The following CCT6A variants were observed in gnomAD, a reference collection of about 807,000 sequenced individuals.
CCT6A encodes T-complex protein 1 subunit zeta.
In CCT6A, 6 loss-of-function variants were observed where a neutral mutation model predicts 58.6. The observed-to-expected ratio is 0.10, with a 90% CI of 0.06 to 0.20. The LOEUF is 0.20. Ranked by LOEUF, CCT6A falls within the 10% of genes least tolerant of loss-of-function variation. CCT6A has a pLI of 1.00. For missense variants in CCT6A, 516 were observed against 648.8 expected, an observed-to-expected ratio of 0.80 and a Z score of 2.22; for synonymous variants, 245 against 227.8, an observed-to-expected ratio of 1.08 and a Z score of -0.68.
chr7:56,059,506 A>T (rs372119435), intron 8 of CCT6A, 38 bp from the exon 9 acceptor site: 14 of 970,728 alleles, frequency 1.4e-5, no homozygotes, highest in Non-Finnish European at 2.3e-5. Context: ...ATTCACTGGT[A>T]ACGTTGCTTA....
rs376570645 is a variant in CCT6A, at chr7:56,052,455, T to C, written c.171T>C (p.Thr57=). 1 of 1,614,084 alleles carries C rather than the reference T, an allele frequency of 6.2e-7. No homozygotes were observed. Among genetic ancestry groups the C allele is most frequent in the Non-Finnish European group, 8.5e-7 (1 of 1,179,926 alleles). ...CTGGCGCTGGAGACATCAAACTTAC[T>C]AAAGACGGCAATGTGCTGCTTCACG... is the stretch of plus-strand genomic sequence containing the variant. ...LVSGAGDIKL[T]KDGNVLLHEM... is the part of the protein sequence containing the mutation. Residue 57 remains threonine, a synonymous_variant, in exon 2 of 14, where the codon ACT becomes ACC. Coordinates refer to ENST00000275603, the MANE Select transcript of CCT6A (RefSeq NM_001762.4).
At chr7:56,052,392 T>C in intron 1 of CCT6A, 30 bp from the exon 2 acceptor site, 1 of 1,602,806 alleles carries the variant, frequency 6.2e-7, no homozygotes, top group Non-Finnish European at 8.5e-7. Flanking sequence ...GAAAAAGTCA[T>C]AGTCTGGTTC....
intron 5 of CCT6A, among the ~76,000 whole-genome samples, chr7:56,057,532 C>T (rs1365863986): frequency 6.6e-6 from 1 of 152,116 alleles, no homozygotes; most frequent in Non-Finnish European, 1.5e-5. Flanking sequence ...GTTTGACAGC[C>T]TACCAGTGAG....
In CCT6A at chr7:56,051,890, C is replaced by T; in HGVS notation, c.42C>T (p.Ala14=). 1 of 1,558,128 alleles carries T rather than the reference C, an allele frequency of 6.4e-7. No individual in the cohort carries two copies. Among genetic ancestry groups the T allele is most frequent in the Non-Finnish European group, 8.7e-7 (1 of 1,151,516 alleles). Residue 14 remains alanine, a synonymous_variant, in exon 1 of 14, where the codon GCC becomes GCT. Transcript: ENST00000275603. ...CCCTGAACCCCAAGGCCGAGGTGGCCCGAGCGCAGGCGGCGCTGGCGGTCA... is the reference window on the plus strand; with the variant it reads ...CCCTGAACCCCAAGGCCGAGGTGGCTCGAGCGCAGGCGGCGCTGGCGGTCA... The part of the protein sequence containing the change: ...VKTLNPKAEV[A]RAQAALAVNI...
chr7:56,060,633 G>A (rs773464887), intron 10 of CCT6A, 174 bp from the exon 11 acceptor site: 2 of 960,970 alleles, frequency 2.1e-6, no homozygotes, highest in Non-Finnish European at 3.3e-6. Flanking sequence ...GTTGAAAGCT[G>A]CCAGTGGCTA....
chr7:56,063,216 TG>T lies in CCT6A; in HGVS notation c.*133del. The T allele has an allele frequency of 1.5e-6, 1 of 681,622 alleles. No homozygotes were observed. 42.2% of individuals were successfully genotyped at this position (681,622 alleles called of 1,614,324 possible). ...CCCATATGAAAAAAGGAGAGAACAC[TG>T]GCATCTGTTGAAATTTGGAAGTTCT... On this transcript the variant is annotated 3_prime_UTR_variant, in exon 14 of 14. Transcript: ENST00000275603.
chr7:56,055,455 G>A (rs1389792951), intron 3 of CCT6A, 169 bp from the exon 4 acceptor site: 5 of 697,566 alleles, frequency 7.2e-6, no homozygotes, highest in African/African-American at 7.1e-5. Context: ...GCTCTGCATT[G>A]AAAGGAATAT....
intron 5 of CCT6A, among the ~76,000 whole-genome samples, chr7:56,057,356 T>G (rs917097336): frequency 1.5e-5 from 2 of 133,684 alleles, no homozygotes; most frequent in African/African-American, 5.3e-5. Context: ...TTGTTTTCCC[T>G]TTGGGGTGTG....
rs1794405330 is a variant in CCT6A, at chr7:56,060,307, C to T, written c.1104C>T (p.Asn368=). ...TTACCTTTATTGAGAAATGTAACAA[C>T]CCTCGTTCTGTCACATTATTGATCA... ...EKFTFIEKCN[N]PRSVTLLIKG... Residue 368 remains asparagine (N), a synonymous_variant, in exon 10 of 14, where the codon AAC becomes AAT. Transcript: ENST00000275603. 2.5e-6 allele frequency: 4 copies of T among 1,613,362 alleles called. No individual in the cohort carries two copies. Among genetic ancestry groups the T allele is most frequent in the Non-Finnish European group, 2.5e-6 (3 of 1,179,354 alleles).
At chr7:56,062,861 G>A (rs1794498262) in intron 13 of CCT6A, 106 bp downstream of exon 13, 28 of 1,175,628 alleles carry the variant, frequency 2.4e-5, no homozygotes, top group Non-Finnish European at 3.6e-5. Flanking sequence ...TGATCAGCTG[G>A]AAGTATGGAA....
intron 2 of CCT6A, among the ~76,000 whole-genome samples, chr7:56,052,897 G>T (rs1289078423): frequency 6.6e-6 from 1 of 151,702 alleles, no homozygotes; most frequent in African/African-American, 2.4e-5. Flanking sequence ...GGGTTCAAGC[G>T]ATTCTTCTGT....
intron 2 of CCT6A, among the ~76,000 whole-genome samples, chr7:56,053,032 G>T (rs1794208651): frequency 6.6e-6 from 1 of 152,096 alleles, no homozygotes; most frequent in African/African-American, 2.4e-5. Context: ...GACTTCAGGC[G>T]ATCCCCCCGC....
In CCT6A at chr7:56,057,618, T is replaced by C. The variant is rs370564675; in HGVS notation, c.615-375T>C. On this transcript the variant is annotated intron_variant, in intron 5 of 13. Transcript: ENST00000275603. ...GAAATAGGCCGGGCGCAGTGGCTCA[T>C]GCCTGTAATCCCAGCACTTTGGGAG... Among the ~76,000 whole-genome samples, 87 of 152,302 alleles carry C rather than the reference T, an allele frequency of 5.7e-4. 2 individuals are homozygous for C. In the East Asian group the frequency reaches 0.013, roughly 23 times the overall value.
In CCT6A at chr7:56,063,241, C is replaced by G. The variant is rs1794514012; in HGVS notation, c.*156C>G. 2 of 628,104 alleles carry G rather than the reference C, an allele frequency of 3.2e-6. No homozygotes were observed. The highest frequency in any genetic ancestry group is 5.6e-6 in the Non-Finnish European group (2 of 354,396). The allele number at this position is 628,104 out of a possible 1,614,324, so 38.9% of individuals were successfully genotyped here. A position where few individuals can be genotyped will look rare whatever the true frequency, so the allele number is the denominator to read the frequency against. ...TGGCATCTGTTGAAATTTGGAAGTTCTGAAATTATAGTATTTTTAAAAATT... is the reference window on the plus strand; with the variant it reads ...TGGCATCTGTTGAAATTTGGAAGTTGTGAAATTATAGTATTTTTAAAAATT... On this transcript the variant is annotated 3_prime_UTR_variant, in exon 14 of 14. Coordinates refer to ENST00000275603, the MANE Select transcript of CCT6A (RefSeq NM_001762.4).
At chr7:56,057,245 G>T (rs1371922952) in intron 5 of CCT6A, among the ~76,000 whole-genome samples, 1 of 152,180 alleles carries the variant, frequency 6.6e-6, no homozygotes, top group East Asian at 1.9e-4. Context: ...AACAACATCA[G>T]TCATTTGGCA....
At chr7:56,059,409 G>A in intron 8 of CCT6A, 135 bp from the exon 9 acceptor site, 1 of 615,794 alleles carries the variant, frequency 1.6e-6, no homozygotes. Context: ...GATGGCAAAT[G>A]GAAAGGCTTA....
chr7:56,052,085 C>G (rs1382897343), intron 1 of CCT6A, 100 bp downstream of exon 1: 3 of 1,043,610 alleles, frequency 2.9e-6, no homozygotes, highest in Non-Finnish European at 3.8e-6. Context: ...CTCGGGGCTG[C>G]GCAGCCGTCC....
intron 12 of CCT6A, among the ~76,000 whole-genome samples, chr7:56,062,453 T>C (rs1047503093): frequency 6.6e-6 from 1 of 152,218 alleles, no homozygotes; most frequent in Non-Finnish European, 1.5e-5. Flanking sequence ...TAAACAGAAA[T>C]GTATCCAGAA....
At chr7:56,060,164 G>A (rs1794402393) in intron 9 of CCT6A, 105 bp from the exon 10 acceptor site, 1 of 962,924 alleles carries the variant, frequency 1.0e-6, no homozygotes, top group East Asian at 2.4e-5. Flanking sequence ...ATGTGATCAA[G>A]TTTGTTCCTT....
Sources: allele counts gnomAD v4.1 joint callset (sites outside exome capture counted in the v4.1 genomes callset), GRCh38; gene constraint gnomAD v4.1.1; transcripts MANE v1.5; gene names NCBI Gene and HGNC (gene_info 2026-07-23, HGNC 2026-07-21).